Variants in KCND2 observed in about 807,000 individuals in gnomAD.
KCND2 encodes A-type voltage-gated potassium channel KCND2.
KCND2 carries 16 observed loss-of-function variants against 54.4 expected under a neutral mutation model. The observed-to-expected ratio is 0.29, with a 90% confidence interval of 0.20 to 0.45. The LOEUF is 0.45. Ranked by LOEUF, KCND2 falls within the 20% of genes least tolerant of loss-of-function variation. The probability of loss-of-function intolerance (pLI) is 1.00; values close to 1 mark genes in which losing one functional copy is unlikely to be tolerated. For missense variants in KCND2, 486 were observed against 824.2 expected, an observed-to-expected ratio of 0.59 and a Z score of 5.02; for synonymous variants, 317 against 310.7, an observed-to-expected ratio of 1.02 and a Z score of -0.21.
At chr7:120,453,458 T>A (rs1172782535) in intron 1 of KCND2, among the ~76,000 whole-genome samples, 1 of 152,218 alleles carries the variant, frequency 6.6e-6, no homozygotes, top group Admixed American at 6.5e-5. Flanking sequence ...GCAGGAATGC[T>A]GGTGACCCCA....
intron 1 of KCND2, among the ~76,000 whole-genome samples, chr7:120,292,174 G>A (rs947424343): frequency 5.9e-5 from 9 of 151,720 alleles, no homozygotes; most frequent in Non-Finnish European, 5.9e-5. Context: ...CTGTCATTTT[G>A]TAGATAATTA....
intron 1 of KCND2, among the ~76,000 whole-genome samples, chr7:120,677,004 A>G (rs1203552347): frequency 6.6e-6 from 1 of 152,230 alleles, no homozygotes; most frequent in East Asian, 1.9e-4. Flanking sequence ...CTGATTAAAC[A>G]TTCATTAAAT....
At chr7:120,515,066 G>T (rs1469708445) in intron 1 of KCND2, among the ~76,000 whole-genome samples, 3 of 151,982 alleles carry the variant, frequency 2.0e-5, no homozygotes, top group African/African-American at 7.2e-5. Flanking sequence ...AGGTCCTCCA[G>T]CTTATACTTT....
At chr7:120,636,569 G>A (rs1378291880) in intron 1 of KCND2, among the ~76,000 whole-genome samples, 2 of 151,924 alleles carry the variant, frequency 1.3e-5, no homozygotes, top group African/African-American at 4.8e-5. Context: ...AGAATTTTTT[G>A]CCGTGCTTGC....
chr7:120,338,811 CAG>C (rs1221727949), intron 1 of KCND2, among the ~76,000 whole-genome samples: 1 of 152,028 alleles, frequency 6.6e-6, no homozygotes, highest in African/African-American at 2.4e-5. Context: ...TAATTTTCTA[CAG>C]AGAGTTGGGT....
intron 1 of KCND2, among the ~76,000 whole-genome samples, chr7:120,582,115 A>G (rs976525272): frequency 5.9e-5 from 9 of 152,076 alleles, no homozygotes; most frequent in African/African-American, 1.9e-4. Context: ...ACAACATTCA[A>G]TGGAATTGCT....
chr7:120,647,072 T>C (rs1793451188), intron 1 of KCND2, among the ~76,000 whole-genome samples: 1 of 152,270 alleles, frequency 6.6e-6, no homozygotes, highest in Non-Finnish European at 1.5e-5. Flanking sequence ...TAATAATTTC[T>C]ATAATACCAG....
chr7:120,676,882 A>G (rs539526824), intron 1 of KCND2, among the ~76,000 whole-genome samples: 1 of 152,342 alleles, frequency 6.6e-6, no homozygotes. Flanking sequence ...AATCTACATA[A>G]GAACTAAGCA....
chr7:120,577,362 T>C (rs1487812008), intron 1 of KCND2, among the ~76,000 whole-genome samples: 2 of 152,216 alleles, frequency 1.3e-5, no homozygotes, highest in Admixed American at 6.5e-5. Flanking sequence ...ACTTAAGTTT[T>C]ATTCATAACT....
intron 1 of KCND2, among the ~76,000 whole-genome samples, chr7:120,670,625 G>T (rs556200550): frequency 9.9e-5 from 15 of 152,066 alleles, no homozygotes; most frequent in African/African-American, 3.6e-4. Context: ...TTTTGAAAAG[G>T]GATGAATAGG....
At chr7:120,410,363 G>T (rs191772249) in intron 1 of KCND2, among the ~76,000 whole-genome samples, 3 of 151,432 alleles carry the variant, frequency 2.0e-5, no homozygotes, top group African/African-American at 7.3e-5. Flanking sequence ...TTCTTTTTTG[G>T]CTATTATAGG....
intron 1 of KCND2, among the ~76,000 whole-genome samples, chr7:120,676,973 C>T (rs1792068375): frequency 6.7e-6 from 1 of 150,162 alleles, no homozygotes; most frequent in Admixed American, 6.6e-5. Context: ...ATCATAAAAT[C>T]ATAACTAGTG....
chr7:120,541,119 T>G (rs1282291073), intron 1 of KCND2, among the ~76,000 whole-genome samples: 1 of 152,098 alleles, frequency 6.6e-6, no homozygotes, highest in African/African-American at 2.4e-5. Flanking sequence ...AGTAGAAAAA[T>G]ACACAGTCAT....
intron 1 of KCND2, among the ~76,000 whole-genome samples, chr7:120,679,617 T>G (rs929673961): frequency 5.3e-5 from 8 of 152,206 alleles, no homozygotes; most frequent in African/African-American, 1.9e-4. Context: ...TTTGGCTCTT[T>G]TAATTATTAT....
chr7:120,649,724 A>G (rs1372622727), intron 1 of KCND2, among the ~76,000 whole-genome samples: 25 of 152,024 alleles, frequency 1.6e-4, no homozygotes. Flanking sequence ...TGGTCTTTAC[A>G]ATTTGGCATG....
At chr7:120,670,238 C>CG (rs1791975427) in intron 1 of KCND2, among the ~76,000 whole-genome samples, 1 of 152,056 alleles carries the variant, frequency 6.6e-6, no homozygotes, top group South Asian at 2.1e-4. Flanking sequence ...TCCAGACCAG[C>CG]GTATCATTTT....
chr7:120,280,733 T>A (rs952350203), intron 1 of KCND2, among the ~76,000 whole-genome samples: 13 of 152,030 alleles, frequency 8.6e-5, no homozygotes, highest in Admixed American at 3.3e-4. Flanking sequence ...CATAATTGGA[T>A]AGCAGCAATA....
chr7:120,345,102 A>T (rs1222181036), intron 1 of KCND2, among the ~76,000 whole-genome samples: 1 of 152,060 alleles, frequency 6.6e-6, no homozygotes, highest in East Asian at 1.9e-4. Flanking sequence ...AATGAGAAGA[A>T]CTTACTCTAA....
chr7:120,285,697 C>T (rs2402525), intron 1 of KCND2, among the ~76,000 whole-genome samples: 100,266 of 151,692 alleles, frequency 0.66, 37,997 homozygotes, highest in South Asian at 0.91. Flanking sequence ...TAGAAGTATA[C>T]ATGTTGATCT....
Sources: gnomAD v4.1 joint callset for allele counts (sites outside exome capture counted in the v4.1 genomes callset) on GRCh38, gnomAD v4.1.1 for gene constraint, MANE v1.5 for transcripts, NCBI Gene and HGNC (gene_info 2026-07-23, HGNC 2026-07-21) for gene names.